Variants in TRPM6 observed in about 807,000 individuals in gnomAD.
TRPM6 encodes channel kinase 2.
Under a neutral mutation model 247.6 loss-of-function variants are expected in TRPM6, and 111 were observed. That is an observed-to-expected ratio of 0.45 (90% CI 0.38 to 0.52). The LOEUF (loss-of-function observed/expected upper bound fraction) is 0.52. Among genes scored for constraint, TRPM6 ranks in the 20% least tolerant of loss-of-function variants. TRPM6 has a pLI of 0.00. For synonymous variants in TRPM6, 892 were observed against 853.8 expected (o/e 1.04, Z -0.78); for missense variants, 2,126 against 2,421.5 (o/e 0.88, Z 2.56).
At chr9:74,822,017 A>G (rs953561469) in intron 7 of TRPM6, among the ~76,000 whole-genome samples, 180 bp from the exon 8 acceptor site, 3 of 152,220 alleles carry the variant, frequency 2.0e-5, no homozygotes, top group African/African-American at 7.2e-5. Context: ...TTGGACTTCA[A>G]ATAAAATGTG....
At chr9:74,777,790 G>A (rs1827275493) in intron 23 of TRPM6, among the ~76,000 whole-genome samples, 1 of 152,078 alleles carries the variant, frequency 6.6e-6, no homozygotes, top group South Asian at 2.1e-4. Context: ...AGACATCCCA[G>A]TATATCTCCA....
chr9:74,831,641 G>A (rs1829550579), intron 6 of TRPM6, among the ~76,000 whole-genome samples: 2 of 152,158 alleles, frequency 1.3e-5, no homozygotes, highest in Admixed American at 1.3e-4. Context: ...ATGAAAAGAG[G>A]AGGAGACATC....
rs1166803842 is a variant in TRPM6 at position 74,842,225 on chromosome 9, G to A, written c.271C>T (p.Pro91Ser). The A allele has an allele frequency of 6.2e-7, 1 of 1,613,958 alleles. No homozygotes were observed. Among genetic ancestry groups the A allele is most frequent in the East Asian group, 2.2e-5 (1 of 44,882 alleles). The change falls in exon 4 of 39, where the codon CCA becomes TCA. Residue 91 changes from proline to serine, a missense_variant. Transcript: ENST00000360774. The part of the protein sequence containing the change: ...WSVEKHTTKS[P>S]TDTFGTINFQ... ...TTAATCGTGCCAAAAGTATCTGTTG[G>A]GCTTTTCGTTGTGTGCTTTTCAACA...
rs376594206 is a variant in TRPM6, at chr9:74,747,847, A to C, written c.5083+42T>G. 5.1e-5 allele frequency: 77 copies of C among 1,521,608 alleles called. No homozygotes were observed. In the African/African-American group the frequency reaches 9.6e-4, roughly 19 times the overall value. 94.3% of individuals were successfully genotyped at this position (1,521,608 alleles called of 1,614,324 possible). A position where few individuals can be genotyped will look rare whatever the true frequency, so the allele number is the denominator to read the frequency against. ...GGACAGTGAACCTCGCATTAAAAAG[A>C]TGAAAAAATAAAAAATAAAATGTTT... On this transcript the variant is annotated intron_variant, in intron 31 of 38. Transcript: ENST00000360774.
intron 31 of TRPM6, among the ~76,000 whole-genome samples, chr9:74,746,238 C>CA (rs367761076): frequency 0.15 from 18,409 of 120,840 alleles, 1,447 homozygotes; most frequent in Admixed American, 0.26. Flanking sequence ...GACTCCATCT[C>CA]AAAAAAAAAA....
chr9:74,788,887 G>T, intron 19 of TRPM6, 145 bp from the exon 20 acceptor site: 1 of 909,742 alleles, frequency 1.1e-6, no homozygotes, highest in Non-Finnish European at 1.7e-6. Context: ...GGTTATTGAT[G>T]ACCTACTATC....
At chr9:74,836,394 T>C (rs1314588504) in intron 5 of TRPM6, among the ~76,000 whole-genome samples, 1 of 152,130 alleles carries the variant, frequency 6.6e-6, no homozygotes, top group African/African-American at 2.4e-5. Flanking sequence ...GCTAAATCAC[T>C]TCCTCATTCC....
At chr9:74,734,163 G>A (rs1408642268) in intron 36 of TRPM6, among the ~76,000 whole-genome samples, 1 of 152,172 alleles carries the variant, frequency 6.6e-6, no homozygotes, top group Non-Finnish European at 1.5e-5. Flanking sequence ...TCCACTGATG[G>A]AAATGTTCCA....
rs528090226 is a variant in TRPM6, at chr9:74,810,995, A to C, written c.1444-127T>G. ...ATTGTGTTCAATATTTTTAGTAACA[A>C]TGCTTAAGCCAATTAATTCTAAAGA... On this transcript the variant is annotated intron_variant, in intron 12 of 38. Coordinates refer to ENST00000360774, the MANE Select transcript of TRPM6 (RefSeq NM_017662.5). 242 of 732,260 alleles carry C rather than the reference A, an allele frequency of 3.3e-4. 4 individuals carry two copies. The South Asian group carries it at 3.7e-3, about 11-fold the overall frequency. The allele number at this position is 732,260 out of a possible 1,614,324, so 45.4% of individuals were successfully genotyped here. A position where few individuals can be genotyped will look rare whatever the true frequency, so the allele number is the denominator to read the frequency against.
At chr9:74,739,605 C>G in intron 34 of TRPM6, 118 bp downstream of exon 34, 1 of 1,540,930 alleles carries the variant, frequency 6.5e-7, no homozygotes, top group Non-Finnish European at 8.9e-7. Context: ...AATACTACCT[C>G]TAAAAAATAA....
chr9:74,785,933 G>A lies in TRPM6; in HGVS notation c.2860C>T (p.Leu954=), dbSNP rs1479039648. The A allele has an allele frequency of 1.9e-6, 3 of 1,614,228 alleles. No homozygotes were observed. The Admixed American group carries it at 5.0e-5, about 27-fold the overall frequency. Residue 954 remains leucine, a synonymous_variant, in exon 21 of 39, where the codon CTG becomes TTG. Transcript: ENST00000360774. ...TGTTGATTCACAGCAAAGAAGTCCA[G>A]GAGCCGTGAGAACCAGAATATGATG... ...IDIIFWFSRL[L]DFFAVNQHAG... is the part of the protein sequence containing the mutation.
intron 30 of TRPM6, among the ~76,000 whole-genome samples, chr9:74,749,151 T>C (rs1826153659): frequency 6.6e-6 from 1 of 152,162 alleles, no homozygotes; most frequent in Admixed American, 6.6e-5. Flanking sequence ...TAGGTGTGTG[T>C]AAATGCACTC....
intron 27 of TRPM6, among the ~76,000 whole-genome samples, 165 bp from the exon 28 acceptor site, chr9:74,755,638 A>G (rs1454567534): frequency 6.6e-6 from 1 of 152,178 alleles, no homozygotes. Context: ...CTGGCAGGAC[A>G]CAAGCATCCA....
At chr9:74,781,134 A>T (rs1412812515) in intron 23 of TRPM6, among the ~76,000 whole-genome samples, 1 of 152,158 alleles carries the variant, frequency 6.6e-6, no homozygotes, top group Non-Finnish European at 1.5e-5. Flanking sequence ...CACAAAAAGC[A>T]TAAATAAAGG....
At chr9:74,785,576 G>A (rs1413249166) in intron 21 of TRPM6, among the ~76,000 whole-genome samples, 1 of 152,024 alleles carries the variant, frequency 6.6e-6, no homozygotes, top group Non-Finnish European at 1.5e-5. Context: ...AAGCTGGAGT[G>A]CAGTGGCGCA....
rs1214601239 is a variant in TRPM6 at position 74,724,075 on chromosome 9, G to A, written c.*538C>T. ...TTTGTGCAGGAATGTGCTCCAATCT[G>A]TGCAAACCCACCCTTGTTCCATTGT... On this transcript the variant is annotated 3_prime_UTR_variant, in exon 39 of 39. Coordinates refer to ENST00000360774, the MANE Select transcript of TRPM6 (RefSeq NM_017662.5). 5 of 166,182 alleles carry A rather than the reference G, an allele frequency of 3.0e-5. No individual in the cohort carries two copies. Among genetic ancestry groups the A allele is most frequent in the African/African-American group, 4.8e-5 (2 of 41,464 alleles). The allele number at this position is 166,182 out of a possible 1,614,324, so 10.3% of individuals were successfully genotyped here.
chr9:74,820,031 G>T (rs909353348), intron 9 of TRPM6, among the ~76,000 whole-genome samples: 8 of 151,880 alleles, frequency 5.3e-5, no homozygotes, highest in African/African-American at 1.7e-4. Context: ...TAAGTTCTGG[G>T]ATACATGTGC....
chr9:74,776,180 G>T, intron 23 of TRPM6, 104 bp from the exon 24 acceptor site: 1 of 979,176 alleles, frequency 1.0e-6, no homozygotes, highest in Non-Finnish European at 1.6e-6. Flanking sequence ...TGACATTACC[G>T]GCAGTTACCC....
chr9:74,729,981 A>T (rs1227190375), intron 37 of TRPM6, among the ~76,000 whole-genome samples: 1 of 152,212 alleles, frequency 6.6e-6, no homozygotes, highest in African/African-American at 2.4e-5. Context: ...ATCAAAATTA[A>T]TACCAAATGC....
Sources: gnomAD v4.1 joint callset for allele counts (sites outside exome capture counted in the v4.1 genomes callset) on GRCh38, gnomAD v4.1.1 for gene constraint, MANE v1.5 for transcripts, NCBI Gene and HGNC (gene_info 2026-07-23, HGNC 2026-07-21) for gene names.